NSF: variants seen among roughly 807,000 people sequenced by gnomAD.
The protein encoded by NSF is N-ethylmaleimide sensitive factor, vesicle fusing ATPase.
NSF carries 14 observed loss-of-function variants against 50.3 expected under a neutral mutation model. The ratio of observed to expected loss-of-function variants is 0.28; its 90% CI spans 0.18 to 0.44. NSF has a LOEUF of 0.44. Ranked by LOEUF, NSF falls within the 20% of genes least tolerant of loss-of-function variation. The pLI, the probability that NSF is intolerant of heterozygous loss-of-function variation, is 1.00. For synonymous variants in NSF, 109 were observed against 175.7 expected (o/e 0.62, Z 3.00); for missense variants, 218 against 504.3 (o/e 0.43, Z 5.44).
chr17:46,754,605 G>A (rs775870098), intron 19 of NSF, among the ~76,000 whole-genome samples: 1 of 152,166 alleles, frequency 6.6e-6, no homozygotes, highest in East Asian at 1.9e-4. Context: ...TACATTTAAC[G>A]AGTTAGTATA....
chr17:46,605,412 C>T (rs1295112201), intron 1 of NSF, among the ~76,000 whole-genome samples: 3 of 140,008 alleles, frequency 2.1e-5, no homozygotes, highest in Admixed American at 2.1e-4. Context: ...CGTGCCATTG[C>T]ATGCCAGCCT....
Position 46,726,604 on chromosome 17 carries a change from A to G in NSF, c.1817A>G (p.Glu606Gly), listed in dbSNP as rs988789457. The part of the protein sequence containing the change: ...QLSCVVVDDI[E>G]RLLDYVPIGP... ...AGTTGTGTGGTTGTGGATGACATTG[A>G]GAGATTGCTTGGTGAGTCCTAACTT... Residue 606 changes from glutamate (E) to glycine (G), a missense_variant, in exon 16 of 21, where the codon GAG (glutamate) becomes GGG (glycine). This residue lies in a region of NSF where 209 missense variants were observed against 320.9 expected (regional missense o/e 0.65). Transcript: ENST00000398238. The G allele has an allele frequency of 1.2e-6, 2 of 1,613,746 alleles. No homozygotes were observed. Among genetic ancestry groups the G allele is most frequent in the Admixed American group, 1.7e-5 (1 of 59,990 alleles).
At chr17:46,633,435 GT>G (rs1196284971) in intron 4 of NSF, among the ~76,000 whole-genome samples, 1 of 121,398 alleles carries the variant, frequency 8.2e-6, no homozygotes, top group Admixed American at 8.5e-5. Flanking sequence ...TAGAGATAGG[GT>G]TTCACTGTGT....
At chr17:46,733,847 C>G (rs917668688) in intron 17 of NSF, among the ~76,000 whole-genome samples, 4 of 152,196 alleles carry the variant, frequency 2.6e-5, no homozygotes, top group Non-Finnish European at 4.4e-5. Flanking sequence ...TATTAGTGTT[C>G]TGGCTAAATT....
intron 8 of NSF, among the ~76,000 whole-genome samples, chr17:46,659,683 C>T (rs2058284298): frequency 7.0e-6 from 1 of 142,258 alleles, no homozygotes; most frequent in Non-Finnish European, 1.5e-5. Context: ...TACAGAAATG[C>T]ATATAGCTCT....
chr17:46,690,611 CAA>C (rs771047574), intron 9 of NSF, among the ~76,000 whole-genome samples: 1 of 91,820 alleles, frequency 1.1e-5, no homozygotes, highest in African/African-American at 4.4e-5. Context: ...GACTCCGTCT[CAA>C]AAAAAAAAAA....
At chr17:46,743,825 G>A (rs1370205250) in intron 17 of NSF, among the ~76,000 whole-genome samples, 1 of 152,164 alleles carries the variant, frequency 6.6e-6, no homozygotes, top group Non-Finnish European at 1.5e-5. Flanking sequence ...CTGGTTTCCT[G>A]TTGCTTTTTA....
intron 15 of NSF, among the ~76,000 whole-genome samples, chr17:46,716,985 T>G (rs1201764117): frequency 6.6e-6 from 1 of 152,232 alleles, no homozygotes; most frequent in Non-Finnish European, 1.5e-5. Context: ...ACAATTAGGT[T>G]GTTTCCAGGT....
chr17:46,755,627 T>C, intron 20 of NSF, 175 bp from the exon 21 acceptor site: 2 of 715,840 alleles, frequency 2.8e-6, no homozygotes, highest in East Asian at 2.7e-5. Context: ...TGCTTTTACA[T>C]GCATGGAGCT....
intron 13 of NSF, 21 bp downstream of exon 13, chr17:46,704,875 A>C: frequency 6.3e-7 from 1 of 1,581,284 alleles, no homozygotes; most frequent in East Asian, 2.3e-5. Flanking sequence ...CCATTGAGTG[A>C]TATATAGGCC....
intron 1 of NSF, among the ~76,000 whole-genome samples, chr17:46,601,796 G>A (rs1264712926): frequency 2.0e-5 from 3 of 150,708 alleles, no homozygotes; most frequent in Non-Finnish European, 4.4e-5. Flanking sequence ...TTCATAGGGC[G>A]TACTTTCATT....
chr17:46,610,027 T>TTCTTTCTTTCTC lies in NSF; in HGVS notation c.13-14214_13-14213insTTCTTTCTCTCT, dbSNP rs774244394. Among the ~76,000 whole-genome samples, 70 of 109,528 alleles carry TTCTTTCTTTCTC rather than the reference T, an allele frequency of 6.4e-4. 1 individual carries two copies. Among genetic ancestry groups the TTCTTTCTTTCTC allele is most frequent in the African/African-American group, 1.9e-3 (58 of 30,458 alleles). The allele number at this position is 109,528 out of a possible 152,430, so 71.9% of individuals were successfully genotyped here. On this transcript the variant is annotated intron_variant, in intron 1 of 20. Transcript: ENST00000398238. ...TTTCTCTCTTTCTTTCTTTCTTTCT[T>TTCTTTCTTTCTC]TCTCTCTCTCTCTCTCTTTCTTTCT...
chr17:46,754,362 C>T (rs895421501), intron 19 of NSF, among the ~76,000 whole-genome samples: 1 of 151,848 alleles, frequency 6.6e-6, no homozygotes, highest in Non-Finnish European at 1.5e-5. Context: ...AAAAAAAATC[C>T]GTGGTTGGAG....
chr17:46,727,581 G>T (rs892297943), intron 16 of NSF, among the ~76,000 whole-genome samples: 1 of 151,992 alleles, frequency 6.6e-6, no homozygotes, highest in Non-Finnish European at 1.5e-5. Flanking sequence ...TTAAGTTTTG[G>T]CAGTGTCTGT....
At chr17:46,739,285 C>A (rs887385109) in intron 17 of NSF, among the ~76,000 whole-genome samples, 1 of 148,412 alleles carries the variant, frequency 6.7e-6, no homozygotes, top group Non-Finnish European at 1.5e-5. Flanking sequence ...GCAGGAGAAT[C>A]GCTTGAACCC....
Position 46,732,453 on chromosome 17 carries a change from T to C in NSF, c.1908+3519T>C, listed in dbSNP as rs370096146. 4.0e-5 allele frequency among the ~76,000 whole-genome samples: 6 copies of C among 151,768 alleles called. No homozygotes were observed. The East Asian group carries it at 7.8e-4, about 20-fold the overall frequency. ...TTGCCTTGGTCTTGGATTTTCAGTG[T>C]AGAACTAAAAATTCAAGTCAGATTT... On this transcript the variant is annotated intron_variant, in intron 17 of 20. Transcript: ENST00000398238.
At chr17:46,685,256 C>A (rs1391667296) in intron 9 of NSF, among the ~76,000 whole-genome samples, 1 of 146,992 alleles carries the variant, frequency 6.8e-6, no homozygotes, top group Non-Finnish European at 1.5e-5. Flanking sequence ...TTTAAAGTTG[C>A]AAGCAATTTA....
At chr17:46,740,659 T>C (rs906990019) in intron 17 of NSF, among the ~76,000 whole-genome samples, 1 of 151,648 alleles carries the variant, frequency 6.6e-6, no homozygotes, top group African/African-American at 2.4e-5. Context: ...ACTTTATCTT[T>C]TTCTTTTTTT....
At chr17:46,668,780 T>TGGC (rs1297518084) in intron 8 of NSF, among the ~76,000 whole-genome samples, 1 of 136,954 alleles carries the variant, frequency 7.3e-6, no homozygotes, top group Non-Finnish European at 1.5e-5. Context: ...CACTGAACTC[T>TGGC]GGCCTGAGTG....
Sources: gnomAD v4.1 joint callset for allele counts (sites outside exome capture counted in the v4.1 genomes callset) on GRCh38, gnomAD v4.1.1 for gene constraint, gnomAD v4.1.1 regional missense constraint, MANE v1.5 for transcripts, NCBI Gene and HGNC (gene_info 2026-07-23, HGNC 2026-07-21) for gene names.